Variants in KAT2B observed in about 807,000 individuals in gnomAD.
KAT2B encodes the protein lysine acetyltransferase 2B, also known as histone acetyltransferase KAT2B.
Under a neutral mutation model 105.9 loss-of-function variants are expected in KAT2B, and 36 were observed. That is an observed-to-expected ratio of 0.34 (90% CI 0.26 to 0.45). The LOEUF is 0.45. Ranked by LOEUF, KAT2B falls within the 20% of genes least tolerant of loss-of-function variation. KAT2B has a pLI of 1.00. For synonymous variants in KAT2B, 397 were observed against 377.9 expected (o/e 1.05, Z -0.59); for missense variants, 820 against 1,021.6 (o/e 0.80, Z 2.69).
intron 1 of KAT2B, among the ~76,000 whole-genome samples, chr3:20,071,099 T>C (rs1460521132): frequency 6.6e-6 from 1 of 152,052 alleles, no homozygotes; most frequent in African/African-American, 2.4e-5. Flanking sequence ...AACCCATATA[T>C]CCAAAATAAT....
chr3:20,103,318 G>A (rs141557825), intron 5 of KAT2B, among the ~76,000 whole-genome samples: 3 of 152,292 alleles, frequency 2.0e-5, no homozygotes, highest in East Asian at 1.9e-4. Flanking sequence ...ATGCATTTGC[G>A]ACTTTTAGCA....
intron 2 of KAT2B, 94 bp downstream of exon 2, chr3:20,072,553 G>A (rs1243341707): frequency 1.3e-5 from 15 of 1,157,398 alleles, no homozygotes; most frequent in South Asian, 3.9e-5. Flanking sequence ...AAATTTGAAT[G>A]CTGTGTACCT....
chr3:20,059,349 G>GGTTGCAGTGAGCTGAGATCATC (rs1698057331), intron 1 of KAT2B, among the ~76,000 whole-genome samples: 1 of 147,068 alleles, frequency 6.8e-6, no homozygotes, highest in Non-Finnish European at 1.5e-5. Context: ...GGGAGGCGGA[G>GGTTGCAGTGAGCTGAGATCATC]GTTGCAGTGA....
intron 1 of KAT2B, among the ~76,000 whole-genome samples, chr3:20,053,924 A>G (rs763931751): frequency 5.9e-5 from 9 of 151,986 alleles, no homozygotes; most frequent in Admixed American, 2.6e-4. Flanking sequence ...CAGTCTCCCA[A>G]GTAGCTGAGA....
intron 8 of KAT2B, among the ~76,000 whole-genome samples, chr3:20,121,179 A>G (rs1699301113): frequency 6.6e-6 from 1 of 152,228 alleles, no homozygotes; most frequent in Non-Finnish European, 1.5e-5. Context: ...AAAGAACTCG[A>G]CAAAAGTGAT....
At chr3:20,126,898 C>T (rs943335162) in intron 10 of KAT2B, among the ~76,000 whole-genome samples, 1 of 151,766 alleles carries the variant, frequency 6.6e-6, no homozygotes, top group South Asian at 2.1e-4. Flanking sequence ...ACATACATAG[C>T]CCAGTAGCCT....
At chr3:20,078,073 A>ACT (rs1698451139) in intron 2 of KAT2B, among the ~76,000 whole-genome samples, 1 of 151,960 alleles carries the variant, frequency 6.6e-6, no homozygotes, top group Admixed American at 6.6e-5. Context: ...TACTCGGGAG[A>ACT]CTAAGGTGGG....
At chr3:20,065,551 C>G (rs1241012006) in intron 1 of KAT2B, among the ~76,000 whole-genome samples, 1 of 150,956 alleles carries the variant, frequency 6.6e-6, no homozygotes, top group Non-Finnish European at 1.5e-5. Flanking sequence ...TGCTGGCAGT[C>G]AAGGATAAGA....
rs1402318329 is a variant in KAT2B, at chr3:20,147,855, G to A, written c.2120-108G>A. The A allele has an allele frequency of 1.4e-5, 14 of 992,144 alleles. No homozygotes were observed. The East Asian group carries it at 2.4e-4, about 17-fold the overall frequency. The allele number at this position is 992,144 out of a possible 1,614,324, so 61.5% of individuals were successfully genotyped here. On this transcript the variant is annotated intron_variant, in intron 14 of 17. Coordinates refer to ENST00000263754, the MANE Select transcript of KAT2B (RefSeq NM_003884.5). ...TAATTTCAGTCGTCTCTCAGAAGTA[G>A]ACTTTTATTGTCATGCCTATAATTT...
chr3:20,073,174 A>G (rs1698357258), intron 2 of KAT2B, among the ~76,000 whole-genome samples: 1 of 152,284 alleles, frequency 6.6e-6, no homozygotes, highest in Non-Finnish European at 1.5e-5. Context: ...AGTTTTTCCT[A>G]GATACTAAAA....
intron 7 of KAT2B, among the ~76,000 whole-genome samples, chr3:20,115,306 C>T (rs997601476): frequency 7.9e-5 from 12 of 152,140 alleles, no homozygotes; most frequent in Non-Finnish European, 1.8e-4. Flanking sequence ...GCAGGGCATC[C>T]TTGCTATTGC....
At chr3:20,087,595 C>A (rs1468009907) in intron 2 of KAT2B, among the ~76,000 whole-genome samples, 3 of 152,114 alleles carry the variant, frequency 2.0e-5, no homozygotes, top group Non-Finnish European at 4.4e-5. Context: ...CCATGCCACA[C>A]AATTGATCTC....
In KAT2B at chr3:20,119,651, T is replaced by G. The variant is rs1243961999; in HGVS notation, c.1204T>G (p.Ser402Ala). The G allele has an allele frequency of 6.2e-7, 1 of 1,614,042 alleles. No individual in the cohort carries two copies. Among genetic ancestry groups the G allele is most frequent in the Non-Finnish European group, 8.5e-7 (1 of 1,179,958 alleles). Residue 402 changes from serine (S) to alanine (A), a missense_variant, in exon 8 of 18, where the codon TCC becomes GCC. Physicochemically the swap from Ser to Ala is moderately conservative, Grantham distance 99 (BLOSUM62 1). Transcript: ENST00000263754. ...AATTTCATACAATTCAACCTCATCT[T>G]CCCTTGAGCAGCCAAACGCAGGGAG... ...GTISYNSTSS[S>A]LEQPNAGSSS...
Position 20,045,075 on chromosome 3 carries a change from C to G in KAT2B, c.303+4295C>G, listed in dbSNP as rs115910250. On this transcript the variant is annotated intron_variant, in intron 1 of 17. Transcript: ENST00000263754. ...TGTCACCCTGGCAGGAGTACAGTGG[C>G]GTGATCTTGGCTCACTGCAACCTGT... 2.6e-5 allele frequency among the ~76,000 whole-genome samples: 4 copies of G among 152,118 alleles called. No individual in the cohort carries two copies. The South Asian group carries it at 8.3e-4, about 32-fold the overall frequency.
At chr3:20,055,112 C>G (rs1290772555) in intron 1 of KAT2B, among the ~76,000 whole-genome samples, 1 of 151,994 alleles carries the variant, frequency 6.6e-6, no homozygotes, top group Non-Finnish European at 1.5e-5. Context: ...AGAAGCAAAA[C>G]TGTTGTGAGC....
chr3:20,074,853 A>C (rs1698389604), intron 2 of KAT2B, among the ~76,000 whole-genome samples: 1 of 152,212 alleles, frequency 6.6e-6, no homozygotes, highest in African/African-American at 2.4e-5. Flanking sequence ...TTATGTGTTT[A>C]ACTCTGAAGT....
chr3:20,097,169 C>T (rs1233581087), intron 3 of KAT2B, among the ~76,000 whole-genome samples: 1 of 152,168 alleles, frequency 6.6e-6, no homozygotes, highest in Non-Finnish European at 1.5e-5. Context: ...AAAACAAGGT[C>T]TGCCTGACTA....
At chr3:20,043,055 T>C (rs904638484) in intron 1 of KAT2B, among the ~76,000 whole-genome samples, 2 of 152,008 alleles carry the variant, frequency 1.3e-5, no homozygotes, top group Admixed American at 6.6e-5. Flanking sequence ...CATGCGCCAG[T>C]ACACTATTAT....
chr3:20,117,050 C>A (rs1298862496), intron 7 of KAT2B, among the ~76,000 whole-genome samples: 1 of 152,132 alleles, frequency 6.6e-6, no homozygotes, highest in African/African-American at 2.4e-5. Flanking sequence ...GCAGGATCAA[C>A]ATAGTTCTCC....
Sources: allele counts gnomAD v4.1 joint callset (sites outside exome capture counted in the v4.1 genomes callset), GRCh38; gene constraint gnomAD v4.1.1; transcripts MANE v1.5; gene names NCBI Gene and HGNC (gene_info 2026-07-23, HGNC 2026-07-21).